The following HEMGN variants were observed in gnomAD, a reference collection of about 807,000 sequenced individuals.
HEMGN encodes the protein erythroid differentiation-associated gene protein.
A neutral mutation model predicts 45.7 loss-of-function variants in HEMGN; 32 were observed. The ratio of observed to expected loss-of-function variants is 0.70; its 90% CI spans 0.53 to 0.94. The LOEUF (loss-of-function observed/expected upper bound fraction) is 0.94, where lower values mean the gene tolerates loss of function less well. Ranked by LOEUF, HEMGN falls within the 40% of genes least tolerant of loss-of-function variation. The pLI, the probability that HEMGN is intolerant of heterozygous loss-of-function variation, is 0.00. For missense variants in HEMGN, 530 were observed against 564.2 expected, an observed-to-expected ratio of 0.94 and a Z score of 0.61; for synonymous variants, 183 against 178.6, an observed-to-expected ratio of 1.02 and a Z score of -0.20.
chr9:97,928,972 T>C (rs1484475773), intron 3 of HEMGN, among the ~76,000 whole-genome samples: 2 of 152,040 alleles, frequency 1.3e-5, no homozygotes, highest in Non-Finnish European at 2.9e-5. Context: ...TAGGGGACTT[T>C]TACTTTACTT....
At position 97,930,861 on chromosome 9, in the gene HEMGN, T is replaced by C; in HGVS notation, c.534A>G (p.Gln178=). The change falls in exon 3 of 4, where the codon CAA becomes CAG. Residue 178 remains glutamine, a synonymous_variant. Coordinates refer to ENST00000616898, the MANE Select transcript of HEMGN (RefSeq NM_197978.3). ...EPEDLSPKMY[Q]EISVLQDNSS... ...AATTGTCTTGAAGTACAGATATTTCTTGGTACATTTTAGGAGAGAGGTCTT... is the reference window on the plus strand; with the variant it reads ...AATTGTCTTGAAGTACAGATATTTCCTGGTACATTTTAGGAGAGAGGTCTT... 2 of 1,614,158 alleles carry C rather than the reference T, an allele frequency of 1.2e-6. No homozygotes were observed. The highest frequency in any genetic ancestry group is 1.1e-5 in the South Asian group (1 of 91,076).
In HEMGN at chr9:97,927,338, T is replaced by G; in HGVS notation, c.*46A>C. ...TTTTGAGAAAATCACGCATAAACTATTAAGCTGTATGTTCCATTGGACCAC... is the reference window on the plus strand; with the variant it reads ...TTTTGAGAAAATCACGCATAAACTAGTAAGCTGTATGTTCCATTGGACCAC... On this transcript the variant is annotated 3_prime_UTR_variant, in exon 4 of 4. Transcript: ENST00000616898. 1 of 1,031,660 alleles carries G rather than the reference T, an allele frequency of 9.7e-7. No homozygotes were observed. 63.9% of individuals were successfully genotyped at this position (1,031,660 alleles called of 1,614,324 possible).
At chr9:97,938,214 T>C, upstream of HEMGN, 1 of 902,662 alleles carries the variant, frequency 1.1e-6, no homozygotes, top group Non-Finnish European at 1.8e-6. Flanking sequence ...ATCAAAAACA[T>C]CTAACACTTA....
intron 1 of HEMGN, among the ~76,000 whole-genome samples, chr9:97,937,725 G>T (rs1827088096): frequency 6.6e-6 from 1 of 152,044 alleles, no homozygotes; most frequent in Non-Finnish European, 1.5e-5. Context: ...GTATCTCAAG[G>T]CCTAAGTTTC....
intron 2 of HEMGN, among the ~76,000 whole-genome samples, chr9:97,935,872 C>T (rs943011378): frequency 1.3e-5 from 2 of 152,168 alleles, no homozygotes; most frequent in African/African-American, 2.4e-5. Flanking sequence ...TTTATATTAC[C>T]TAGGAGCTAA....
chr9:97,928,475 A>C (rs1034132530), intron 3 of HEMGN, among the ~76,000 whole-genome samples: 1 of 152,184 alleles, frequency 6.6e-6, no homozygotes. Flanking sequence ...TGTATATTCA[A>C]ACTTTAAATT....
At chr9:97,942,699 G>A (rs1316619082), upstream of HEMGN, among the ~76,000 whole-genome samples, 3 of 152,096 alleles carry the variant, frequency 2.0e-5, no homozygotes, top group Non-Finnish European at 4.4e-5. Flanking sequence ...CATTTCAGAG[G>A]CCTGACTGAA....
intron 1 of HEMGN, among the ~76,000 whole-genome samples, chr9:97,936,707 T>C (rs1182030974): frequency 1.3e-5 from 2 of 152,206 alleles, no homozygotes; most frequent in Non-Finnish European, 2.9e-5. Flanking sequence ...TAGAACTATT[T>C]TCCATGACGT....
At chr9:97,937,211 C>CT (rs900086133) in intron 1 of HEMGN, among the ~76,000 whole-genome samples, 3 of 152,016 alleles carry the variant, frequency 2.0e-5, no homozygotes, top group African/African-American at 7.2e-5. Flanking sequence ...CAGTATATGA[C>CT]TTTTTTTTCA....
chr9:97,937,912 C>G (rs1417689335), intron 1 of HEMGN, 146 bp downstream of exon 1: 1 of 587,848 alleles, frequency 1.7e-6, no homozygotes, highest in Non-Finnish European at 3.0e-6. Flanking sequence ...CCACAGCCAT[C>G]GAATGAAATT....
chr9:97,938,006 A>G (rs1452084358), intron 1 of HEMGN, 52 bp downstream of exon 1: 4 of 1,108,482 alleles, frequency 3.6e-6, no homozygotes, highest in South Asian at 2.8e-5. Flanking sequence ...GAAAATTATC[A>G]TACCCCGAAT....
intron 2 of HEMGN, among the ~76,000 whole-genome samples, chr9:97,931,911 C>T (rs538148986): frequency 5.9e-5 from 9 of 152,114 alleles, no homozygotes; most frequent in Non-Finnish European, 7.3e-5. Context: ...AAAGGATATG[C>T]ATGGTAATTG....
chr9:97,932,770 C>T (rs965510555), intron 2 of HEMGN, among the ~76,000 whole-genome samples: 9 of 142,904 alleles, frequency 6.3e-5, no homozygotes, highest in African/African-American at 1.5e-4. Flanking sequence ...TGCCACTGCA[C>T]TCCAGCCTGG....
rs781224103 is a variant in HEMGN at position 97,936,198 on chromosome 9, T to G, written c.146A>C (p.Glu49Ala). ...AAATAGCCATTGTGATGTTTCCTTT[T>G]CATGCACTTCAGCTTTTCTTTTTCT... ...LLRKRKAEVH[E>A]KETSQWLFGE... Residue 49 changes from glutamate to alanine, a missense_variant, in exon 2 of 4, where the codon GAA becomes GCA. By Grantham distance (107) the Glu-to-Ala change is moderately radical. Coordinates refer to ENST00000616898, the MANE Select transcript of HEMGN (RefSeq NM_197978.3). The G allele has an allele frequency of 1.9e-6, 3 of 1,613,010 alleles. No homozygotes were observed. In the South Asian group the frequency reaches 3.3e-5, roughly 18 times the overall value.
chr9:97,939,716 T>C (rs1042132386), upstream of HEMGN, among the ~76,000 whole-genome samples: 1 of 152,178 alleles, frequency 6.6e-6, no homozygotes, highest in Admixed American at 6.5e-5. Context: ...TCAAACACAC[T>C]AAAGGGTATC....
At chr9:97,944,465 T>C (rs540656670) in intron 1 of HEMGN, among the ~76,000 whole-genome samples, 5 of 152,168 alleles carry the variant, frequency 3.3e-5, no homozygotes, top group Non-Finnish European at 7.3e-5. Context: ...TCCTGTCCTA[T>C]ACCACCATCC....
At chr9:97,938,473 T>C (rs987643284), upstream of HEMGN, 2 of 194,970 alleles carry the variant, frequency 1.0e-5, no homozygotes, top group Admixed American at 1.2e-4. Flanking sequence ...CCAGGAAGTG[T>C]CTGGATCCGA....
At chr9:97,929,939 T>C (rs1023148387) in intron 3 of HEMGN, 96 bp downstream of exon 3, 6 of 867,918 alleles carry the variant, frequency 6.9e-6, no homozygotes, top group African/African-American at 6.9e-5. Flanking sequence ...ACAGTATCCA[T>C]TGAAATAACA....
Position 97,927,168 on chromosome 9 carries a change from T to TAA in HEMGN, c.*215_*216insTT, listed in dbSNP as rs1826841203. On this transcript the variant is annotated 3_prime_UTR_variant, in exon 4 of 4. Coordinates refer to ENST00000616898, the MANE Select transcript of HEMGN (RefSeq NM_197978.3). Reference sequence around the variant, plus strand: ...ATCCTCTCCCCGACCTATACATACATACACACACACACACACACACACACA... The same window carrying TAA: ...ATCCTCTCCCCGACCTATACATACATAAACACACACACACACACACACACACA... 3.3e-6 allele frequency: 1 copy of TAA among 305,554 alleles called. No homozygotes were observed. The highest frequency in any genetic ancestry group is 2.2e-5 in the African/African-American group (1 of 44,588). The allele number at this position is 305,554 out of a possible 1,614,324, so 18.9% of individuals were successfully genotyped here.
Sources: allele counts gnomAD v4.1 joint callset (sites outside exome capture counted in the v4.1 genomes callset), GRCh38; gene constraint gnomAD v4.1.1; transcripts MANE v1.5; gene names NCBI Gene and HGNC (gene_info 2026-07-23, HGNC 2026-07-21).